The following MAPK8 variants were observed in gnomAD, a reference collection of about 807,000 sequenced individuals.
MAPK8 encodes the protein mitogen-activated protein kinase 8.
In MAPK8, 13 loss-of-function variants were observed where a neutral mutation model predicts 52.9. The ratio of observed to expected loss-of-function variants is 0.25; its 90% CI spans 0.16 to 0.39. The LOEUF (loss-of-function observed/expected upper bound fraction) is 0.39. Among genes scored for constraint, MAPK8 ranks in the 10% least tolerant of loss-of-function variants. The probability of loss-of-function intolerance (pLI) is 1.00; values close to 1 mark genes in which losing one functional copy is unlikely to be tolerated. For missense variants in MAPK8, 300 were observed against 519.2 expected (o/e 0.58, Z 4.10); for synonymous variants, 191 against 169.8 (o/e 1.12, Z -0.97).
At position 48,425,249 on chromosome 10, in the gene MAPK8, C is replaced by G. The variant is rs759804573; in HGVS notation, c.689-639C>G. The G allele has an allele frequency of 5.4e-6, 4 of 743,828 alleles. No individual in the cohort carries two copies. The South Asian group carries it at 5.8e-5, about 11-fold the overall frequency. The allele number at this position is 743,828 out of a possible 1,614,324, so 46.1% of individuals were successfully genotyped here. A position where few individuals can be genotyped will look rare whatever the true frequency, so the allele number is the denominator to read the frequency against. ...GTTTTAGGCCTTGGCCTTCAGGGTCCTGGAGTGTAAAGACTAGAGGAAAGG... is the reference window on the plus strand; with the variant it reads ...GTTTTAGGCCTTGGCCTTCAGGGTCGTGGAGTGTAAAGACTAGAGGAAAGG... On this transcript the variant is annotated intron_variant, in intron 7 of 11. Transcript: ENST00000374189.
intron 5 of MAPK8, 94 bp downstream of exon 5, chr10:48,410,262 A>G: frequency 9.4e-7 from 1 of 1,067,440 alleles, no homozygotes; most frequent in South Asian, 2.3e-5. Context: ...CATTTTTAGT[A>G]CATTCACAGT....
chr10:48,362,606 T>G (rs1321213458), intron 1 of MAPK8, among the ~76,000 whole-genome samples: 1 of 152,002 alleles, frequency 6.6e-6, no homozygotes, highest in African/African-American at 2.4e-5. Context: ...AAATTTTAGT[T>G]AAGAGCGATC....
At chr10:48,373,657 A>C (rs955790884) in intron 1 of MAPK8, among the ~76,000 whole-genome samples, 1 of 151,684 alleles carries the variant, frequency 6.6e-6, no homozygotes, top group African/African-American at 2.4e-5. Context: ...GAGACAAAGA[A>C]GGGCATTACA....
intron 1 of MAPK8, among the ~76,000 whole-genome samples, chr10:48,350,309 C>T (rs1449862317): frequency 2.0e-5 from 3 of 152,078 alleles, no homozygotes; most frequent in African/African-American, 7.2e-5. Flanking sequence ...GGCAGAGACA[C>T]AACAAAAAAA....
At chr10:48,344,468 T>A (rs556277901) in intron 1 of MAPK8, among the ~76,000 whole-genome samples, 1 of 152,176 alleles carries the variant, frequency 6.6e-6, no homozygotes, top group Non-Finnish European at 1.5e-5. Flanking sequence ...TCAGTCCTTT[T>A]GGGGAGTTTC....
chr10:48,327,836 C>G lies in MAPK8; in HGVS notation c.-50+21015C>G, dbSNP rs528956550. 4.6e-5 allele frequency among the ~76,000 whole-genome samples: 7 copies of G among 152,176 alleles called. No homozygotes were observed. The South Asian group carries it at 1.5e-3, about 32-fold the overall frequency. On this transcript the variant is annotated intron_variant, in intron 1 of 11. Transcript: ENST00000374189. ...AGGTTTGTTCAGGTTATCTGTTTTTCTTTGTGAGAACTTTGGTAGATTGTG... is the reference window on the plus strand; with the variant it reads ...AGGTTTGTTCAGGTTATCTGTTTTTGTTTGTGAGAACTTTGGTAGATTGTG...
At chr10:48,403,728 T>G (rs889380506) in intron 2 of MAPK8, among the ~76,000 whole-genome samples, 1 of 150,990 alleles carries the variant, frequency 6.6e-6, no homozygotes, top group Non-Finnish European at 1.5e-5. Context: ...TCAGATTTTG[T>G]TTTTTGTTTT....
At chr10:48,365,697 AT>A (rs890612409) in intron 1 of MAPK8, among the ~76,000 whole-genome samples, 3 of 152,282 alleles carry the variant, frequency 2.0e-5, no homozygotes, top group Non-Finnish European at 4.4e-5. Context: ...TGACAAAAGT[AT>A]TTTTTAAAGC....
At chr10:48,341,276 A>G (rs1845230100) in intron 1 of MAPK8, among the ~76,000 whole-genome samples, 1 of 152,224 alleles carries the variant, frequency 6.6e-6, no homozygotes, top group Non-Finnish European at 1.5e-5. Context: ...AGCCTTGCTA[A>G]TGAAATGTAA....
intron 10 of MAPK8, among the ~76,000 whole-genome samples, chr10:48,429,026 T>C (rs977186225): frequency 3.3e-5 from 5 of 151,850 alleles, no homozygotes; most frequent in Non-Finnish European, 7.4e-5. Flanking sequence ...CTCACTGTGT[T>C]GCCCAGGCTG....
chr10:48,335,868 AT>A (rs2132290173), intron 1 of MAPK8, among the ~76,000 whole-genome samples: 1 of 152,196 alleles, frequency 6.6e-6, no homozygotes, highest in African/African-American at 2.4e-5. Flanking sequence ...ATATTAATAA[AT>A]TTTTCATATT....
At chr10:48,411,961 C>T (rs2042778947) in intron 5 of MAPK8, among the ~76,000 whole-genome samples, 2 of 151,828 alleles carry the variant, frequency 1.3e-5, no homozygotes, top group African/African-American at 4.8e-5. Context: ...TCTCCTGCCG[C>T]AGCCTCCCAA....
At chr10:48,387,502 G>A (rs1343980852) in intron 1 of MAPK8, among the ~76,000 whole-genome samples, 1 of 152,082 alleles carries the variant, frequency 6.6e-6, no homozygotes, top group African/African-American at 2.4e-5. Context: ...GATTTTATAA[G>A]ATTATATATT....
chr10:48,348,025 T>G (rs1463112475), intron 1 of MAPK8, among the ~76,000 whole-genome samples: 1 of 152,222 alleles, frequency 6.6e-6, no homozygotes, highest in Non-Finnish European at 1.5e-5. Flanking sequence ...AGTGTAAAAG[T>G]GTTCCTATTT....
intron 1 of MAPK8, among the ~76,000 whole-genome samples, chr10:48,312,504 C>A (rs898403833): frequency 3.3e-5 from 5 of 152,088 alleles, no homozygotes; most frequent in African/African-American, 9.7e-5. Flanking sequence ...AAACTAGAAA[C>A]GAAAAATAGC....
intron 6 of MAPK8, among the ~76,000 whole-genome samples, chr10:48,421,803 C>T (rs1027087051): frequency 9.2e-5 from 14 of 151,980 alleles, no homozygotes; most frequent in African/African-American, 3.4e-4. Context: ...GACTCTGTCT[C>T]AAAAAATAAA....
intron 10 of MAPK8, chr10:48,429,945 T>C (rs993792319): frequency 6.6e-6 from 1 of 152,224 alleles, no homozygotes; most frequent in African/African-American, 2.4e-5. Context: ...TATACAATTC[T>C]CAAAAGATTC....
At chr10:48,335,461 A>G (rs1234726035) in intron 1 of MAPK8, among the ~76,000 whole-genome samples, 1 of 152,190 alleles carries the variant, frequency 6.6e-6, no homozygotes, top group Non-Finnish European at 1.5e-5. Context: ...CTTACTACTC[A>G]TCTCACCAGC....
In MAPK8 at chr10:48,427,390, G is replaced by A. The variant is rs1374852738; in HGVS notation, c.1060+247G>A. The A allele has an allele frequency of 1.3e-5, 5 of 386,298 alleles. No individual in the cohort carries two copies. In the Admixed American group the frequency reaches 1.5e-4, roughly 11 times the overall value. 23.9% of individuals were successfully genotyped at this position (386,298 alleles called of 1,614,324 possible). A position where few individuals can be genotyped will look rare whatever the true frequency, so the allele number is the denominator to read the frequency against. On this transcript the variant is annotated intron_variant, in intron 10 of 11. Coordinates refer to ENST00000374189, the MANE Select transcript of MAPK8 (RefSeq NM_001323329.2). ...TCTCATATTTTTTTCCATGGTTTGT[G>A]AATACACAAATGTGTTTAGTGTCTC...
Sources: gnomAD v4.1 joint callset for allele counts (sites outside exome capture counted in the v4.1 genomes callset) on GRCh38, gnomAD v4.1.1 for gene constraint, MANE v1.5 for transcripts, NCBI Gene and HGNC (gene_info 2026-07-23, HGNC 2026-07-21) for gene names.